MCFD2: variants seen among roughly 807,000 people sequenced by gnomAD.
MCFD2 encodes the protein multiple coagulation factor deficiency protein 2.
Under a neutral mutation model 12.8 loss-of-function variants are expected in MCFD2, and 11 were observed. The ratio of observed to expected loss-of-function variants is 0.86; its 90% CI spans 0.54 to 1.42. The LOEUF (loss-of-function observed/expected upper bound fraction) is 1.42, where lower values mean the gene tolerates loss of function less well. Ranked by LOEUF, MCFD2 falls within the 40% of genes most tolerant of loss-of-function variation. The probability of loss-of-function intolerance (pLI) is 0.00; values close to 1 mark genes in which losing one functional copy is unlikely to be tolerated. For synonymous variants in MCFD2, 70 were observed against 68.1 expected (o/e 1.03, Z -0.14); for missense variants, 191 against 178.6 (o/e 1.07, Z -0.40).
intron 1 of MCFD2, among the ~76,000 whole-genome samples, chr2:46,914,529 T>G (rs917417596): frequency 3.3e-5 from 5 of 152,184 alleles, no homozygotes; most frequent in African/African-American, 1.2e-4. Context: ...GCATTTAATA[T>G]TAATAACTTG....
intron 3 of MCFD2, among the ~76,000 whole-genome samples, chr2:46,906,390 C>G (rs1668235568): frequency 6.6e-6 from 1 of 152,034 alleles, no homozygotes. Flanking sequence ...TGTAATCCCA[C>G]TCACCTGGCT....
upstream of MCFD2, among the ~76,000 whole-genome samples, chr2:46,919,079 C>G (rs1412690192): frequency 1.3e-5 from 2 of 152,190 alleles, no homozygotes; most frequent in African/African-American, 4.8e-5. Context: ...TTTGAATTGT[C>G]TCAAGACAAT....
chr2:46,939,069 A>G (rs1165599566), intron 1 of MCFD2, among the ~76,000 whole-genome samples: 1 of 151,660 alleles, frequency 6.6e-6, no homozygotes, highest in Non-Finnish European at 1.5e-5. Flanking sequence ...TGAAGCTGGG[A>G]GTTTAAGACC....
At chr2:46,935,219 GT>G (rs1669917983) in intron 1 of MCFD2, among the ~76,000 whole-genome samples, 1 of 152,120 alleles carries the variant, frequency 6.6e-6, no homozygotes, top group South Asian at 2.1e-4. Flanking sequence ...TCAGGCGTGT[GT>G]GGAGGAACAG....
At chr2:46,920,974 A>T (rs545836846) in intron 1 of MCFD2, among the ~76,000 whole-genome samples, 16 of 109,632 alleles carry the variant, frequency 1.5e-4, no homozygotes, top group African/African-American at 6.3e-4. Context: ...TATTCATGAT[A>T]AAAAAAAAAA....
upstream of MCFD2, among the ~76,000 whole-genome samples, chr2:46,920,125 G>T (rs1669023086): frequency 6.6e-6 from 1 of 152,188 alleles, no homozygotes; most frequent in Admixed American, 6.5e-5. Context: ...CACTCCTAAT[G>T]AAAAGTCTGA....
intron 1 of MCFD2, among the ~76,000 whole-genome samples, 187 bp downstream of exon 1, chr2:46,915,536 G>T (rs996879941): frequency 1.3e-5 from 2 of 152,146 alleles, no homozygotes; most frequent in African/African-American, 4.8e-5. Context: ...CAGAGCCCCC[G>T]GTGGGGCACA....
Position 46,941,747 on chromosome 2 carries a change from C to G in MCFD2, c.-183G>C. 1 of 1,547,668 alleles carries G rather than the reference C, an allele frequency of 6.5e-7. No homozygotes were observed. The highest frequency in any genetic ancestry group is 8.7e-7 in the Non-Finnish European group (1 of 1,145,954). ...ACCGGTGAGTAAGGGAAGAGGCTGG[C>G]TCGCCGGCAGCGAGCGCGCGAAACG... is the stretch of plus-strand genomic sequence containing the variant. On this transcript the variant is annotated 5_prime_UTR_variant, in exon 1 of 3. Transcript: ENST00000409147. This position sits in a 1 kb window ranked among gnomAD's most constrained non-coding sequence, Gnocchi z 4.2.
chr2:46,927,075 A>G (rs1234888382), intron 1 of MCFD2, among the ~76,000 whole-genome samples: 2 of 152,214 alleles, frequency 1.3e-5, no homozygotes, highest in Non-Finnish European at 2.9e-5. Context: ...AGAGACAAAA[A>G]GATAGAAAAT....
chr2:46,921,585 A>G (rs555577897), intron 1 of MCFD2, among the ~76,000 whole-genome samples: 1 of 152,320 alleles, frequency 6.6e-6, no homozygotes, highest in Admixed American at 6.5e-5. Context: ...CATGCAAATG[A>G]TATGCTCACT....
At chr2:46,926,200 C>G (rs1234092815) in intron 1 of MCFD2, among the ~76,000 whole-genome samples, 1 of 152,182 alleles carries the variant, frequency 6.6e-6, no homozygotes, top group Non-Finnish European at 1.5e-5. Flanking sequence ...TTTACTGAAG[C>G]CTTACCATCT....
At chr2:46,939,024 A>G (rs2103869236) in intron 1 of MCFD2, among the ~76,000 whole-genome samples, 1 of 151,934 alleles carries the variant, frequency 6.6e-6, no homozygotes, top group East Asian at 1.9e-4. Flanking sequence ...AAAAAAAAAA[A>G]AAAGTACTTT....
At position 46,941,495 on chromosome 2, in the gene MCFD2, G is replaced by C; in HGVS notation, c.-8+77C>G. 3 of 1,537,696 alleles carry C rather than the reference G, an allele frequency of 2.0e-6. No homozygotes were observed. Among genetic ancestry groups the C allele is most frequent in the Non-Finnish European group, 2.6e-6 (3 of 1,141,420 alleles). Reference sequence around the variant, plus strand: ...CCAGCCAGGACGCCGCCCCCGGCCGGGTCTCCACTTCTTGGCCGCACCTTC... The same window carrying C: ...CCAGCCAGGACGCCGCCCCCGGCCGCGTCTCCACTTCTTGGCCGCACCTTC... On this transcript the variant is annotated intron_variant, in intron 1 of 2. Coordinates refer to the MCFD2 transcript ENST00000409147. This position sits in a 1 kb window ranked among gnomAD's most constrained non-coding sequence, Gnocchi z 4.2.
Position 46,904,701 on chromosome 2 carries a change from G to A in MCFD2, c.*762C>T, listed in dbSNP as rs1053454227. On this transcript the variant is annotated 3_prime_UTR_variant, in exon 4 of 4. Transcript: ENST00000319466. ...TCTAGGAAGTAACTAGCTTGCTTTT[G>A]ATTTTACAGGCTCATAGGTGGAAGG... The A allele has an allele frequency of 2.0e-5, 3 of 152,354 alleles. No homozygotes were observed. Among genetic ancestry groups the A allele is most frequent in the African/African-American group, 7.2e-5 (3 of 41,416 alleles). The allele number at this position is 152,354 out of a possible 1,614,324, so 9.4% of individuals were successfully genotyped here.
In MCFD2 at chr2:46,907,705, G is replaced by T; in HGVS notation, c.309+105C>A. On this transcript the variant is annotated intron_variant, in intron 3 of 3. Transcript: ENST00000319466. This position sits in a 1 kb window ranked among gnomAD's most constrained non-coding sequence, Gnocchi z 4.1. ...AGCCATCATGCCCAGTGGAGAAGCA[G>T]CACTCTTGGCACATAAGGACAACAC... The T allele has an allele frequency of 8.1e-7, 1 of 1,233,112 alleles. No homozygotes were observed. The highest frequency in any genetic ancestry group is 1.2e-6 in the Non-Finnish European group (1 of 845,842). 76.4% of individuals were successfully genotyped at this position (1,233,112 alleles called of 1,614,324 possible). A position where few individuals can be genotyped will look rare whatever the true frequency, so the allele number is the denominator to read the frequency against.
rs1668384552 is a variant in MCFD2, at chr2:46,909,291, G to C, written c.-6-114C>G. On this transcript the variant is annotated intron_variant, in intron 1 of 3. Coordinates refer to ENST00000319466, the MANE Select transcript of MCFD2 (RefSeq NM_139279.6). ...TGATGAAGCAGTAAGGTTAGGAAGA[G>C]AGCTTGTCAAACACGGCCCAATGCC... 4.6e-6 allele frequency: 6 copies of C among 1,290,578 alleles called. No homozygotes were observed. In the Admixed American group the frequency reaches 9.9e-5, roughly 21 times the overall value. The allele number at this position is 1,290,578 out of a possible 1,614,324, so 79.9% of individuals were successfully genotyped here.
upstream of MCFD2, chr2:46,915,968 G>A: frequency 1.0e-6 from 1 of 985,400 alleles, no homozygotes; most frequent in Non-Finnish European, 1.2e-6. Flanking sequence ...CGGGACTGAC[G>A]CAGTTCTTCT....
At position 46,904,165 on chromosome 2, in the gene MCFD2, A is replaced by T. The variant is rs1338795208; in HGVS notation, c.*1298T>A. On this transcript the variant is annotated 3_prime_UTR_variant, in exon 4 of 4. Coordinates refer to ENST00000319466, the MANE Select transcript of MCFD2 (RefSeq NM_139279.6). ...GAAACCTCCGCCTAGTTTTCAGAAGATGTATGGAAATGCCTCAATGCCCAG... is the reference window on the plus strand; with the variant it reads ...GAAACCTCCGCCTAGTTTTCAGAAGTTGTATGGAAATGCCTCAATGCCCAG... The T allele has an allele frequency of 6.6e-6, 1 of 152,254 alleles. No homozygotes were observed. The highest frequency in any genetic ancestry group is 1.5e-5 in the Non-Finnish European group (1 of 68,048). The allele number at this position is 152,254 out of a possible 1,614,324, so 9.4% of individuals were successfully genotyped here. A position where few individuals can be genotyped will look rare whatever the true frequency, so the allele number is the denominator to read the frequency against.
intron 1 of MCFD2, among the ~76,000 whole-genome samples, chr2:46,923,248 G>A (rs1669198532): frequency 6.6e-6 from 1 of 152,194 alleles, no homozygotes; most frequent in African/African-American, 2.4e-5. Context: ...TTAGTCATTG[G>A]TGATCAACTT....
Sources: gnomAD v4.1 joint callset for allele counts (sites outside exome capture counted in the v4.1 genomes callset) on GRCh38, gnomAD v4.1.1 for gene constraint, Gnocchi (gnomAD v3.1) non-coding constraint, MANE v1.5 for transcripts, NCBI Gene and HGNC (gene_info 2026-07-23, HGNC 2026-07-21) for gene names.